The following DNAH8 variants were observed in gnomAD, a reference collection of about 807,000 sequenced individuals.
DNAH8 encodes dynein axonemal heavy chain 8.
DNAH8 carries 382 observed loss-of-function variants against 562.1 expected under a neutral mutation model. That is an observed-to-expected ratio of 0.68 (90% CI 0.63 to 0.74). The LOEUF is 0.74. Among genes scored for constraint, DNAH8 ranks in the 30% least tolerant of loss-of-function variants. The probability of loss-of-function intolerance (pLI) is 0.00; values close to 1 mark genes in which losing one functional copy is unlikely to be tolerated. For missense variants in DNAH8, 5,203 were observed against 5,620.4 expected (o/e 0.93, Z 2.37); for synonymous variants, 1,881 against 1,919.4 (o/e 0.98, Z 0.52).
At chr6:38,724,560 T>C (rs1403706268) in intron 3 of DNAH8, among the ~76,000 whole-genome samples, 2 of 152,194 alleles carry the variant, frequency 1.3e-5, no homozygotes, top group Admixed American at 6.5e-5. Context: ...GGTTACTATA[T>C]GTCTCAGTGT....
At chr6:38,887,058 C>A in intron 57 of DNAH8, 54 bp downstream of exon 57, 1 of 1,291,758 alleles carries the variant, frequency 7.7e-7, no homozygotes, top group Non-Finnish European at 1.1e-6. Context: ...ACATAAACCA[C>A]ACAAAATTTC....
chr6:38,856,773 G>C (rs1357061093), intron 41 of DNAH8, among the ~76,000 whole-genome samples: 7 of 152,028 alleles, frequency 4.6e-5, no homozygotes, highest in Admixed American at 4.6e-4. Flanking sequence ...TCCACATACT[G>C]CCTGCCCCGC....
At chr6:38,812,865 T>A (rs994882573) in intron 24 of DNAH8, among the ~76,000 whole-genome samples, 1 of 152,196 alleles carries the variant, frequency 6.6e-6, no homozygotes, top group Admixed American at 6.5e-5. Context: ...GGAAATTACT[T>A]AGCCTCTCCC....
At chr6:38,944,188 C>A (rs147116243) in intron 79 of DNAH8, among the ~76,000 whole-genome samples, 241 of 152,298 alleles carry the variant, frequency 1.6e-3, no homozygotes, top group African/African-American at 5.5e-3. Flanking sequence ...ACCAGTGACT[C>A]CTACATTAGC....
At chr6:38,873,486 T>C (rs1039511418) in intron 52 of DNAH8, 110 bp downstream of exon 52, 2 of 927,430 alleles carry the variant, frequency 2.2e-6, no homozygotes, top group Non-Finnish European at 3.1e-6. Flanking sequence ...AAAAATCATT[T>C]GATGATGTGG....
intron 88 of DNAH8, among the ~76,000 whole-genome samples, chr6:38,995,059 C>CTTTTTTT (rs149324423): frequency 1.4e-5 from 2 of 138,760 alleles, no homozygotes; most frequent in Non-Finnish European, 3.1e-5. Flanking sequence ...CCTCATTGCT[C>CTTTTTTT]TTTTTTTTTT....
At position 38,911,566 on chromosome 6, in the gene DNAH8, A is replaced by T. The variant is rs180859001; in HGVS notation, c.9839A>T (p.Gln3280Leu). ...GAAAAGGTGAAGTTCATTAATGAAC[A>T]GGCTGAACGTATGAATATTGGTAAG... ...YAEKVKFINE[Q>L]AERMNIGLDK... The change falls in exon 66 of 93, where the codon CAG (glutamine) becomes CTG (leucine). Residue 3280 changes from glutamine (Q) to leucine (L), a missense_variant. By Grantham distance (113) the Gln-to-Leu change is moderately radical (BLOSUM62 -2). Around this residue, in one of 6 missense-constraint regions of DNAH8, gnomAD observed 977 missense variants for 1,061.8 expected, o/e 0.92. Coordinates refer to ENST00000327475, the MANE Select transcript of DNAH8 (RefSeq NM_001206927.2). 77 of 1,603,054 alleles carry T rather than the reference A, an allele frequency of 4.8e-5. No individual in the cohort carries two copies. The Admixed American group carries it at 1.2e-3, about 24-fold the overall frequency.
rs540327676 is a variant in DNAH8, at chr6:38,750,597, T to C, written c.1407+8T>C. 39 of 1,543,546 alleles carry C rather than the reference T, an allele frequency of 2.5e-5. 1 individual carries two copies. In the South Asian group the frequency reaches 2.9e-4, roughly 11 times the overall value. On this transcript the variant is annotated splice_region_variant and intron_variant, in intron 9 of 92. Transcript: ENST00000327475. ...CTCTATAACCATGACCTAGTAAGTA[T>C]GCTTTTAAAGTACAATTTTAAACTG...
At chr6:38,758,286 A>AGCAATT (rs1215152173) in intron 10 of DNAH8, among the ~76,000 whole-genome samples, 1 of 151,776 alleles carries the variant, frequency 6.6e-6, no homozygotes, top group African/African-American at 2.4e-5. Flanking sequence ...TTCTCTTTGA[A>AGCAATT]GCAATTGTGA....
At chr6:38,890,481 G>A (rs547089611) in intron 57 of DNAH8, among the ~76,000 whole-genome samples, 171 bp from the exon 58 acceptor site, 33 of 152,230 alleles carry the variant, frequency 2.2e-4, no homozygotes, top group African/African-American at 7.7e-4. Context: ...TTATCACTGC[G>A]TACTAAGCTT....
intron 72 of DNAH8, 22 bp downstream of exon 72, chr6:38,923,207 A>C (rs772095914): frequency 1.2e-6 from 2 of 1,610,650 alleles, no homozygotes; most frequent in African/African-American, 1.3e-5. Flanking sequence ...GGTCTTCTTC[A>C]TAATCACTCT....
chr6:38,917,310 G>C lies in DNAH8; in HGVS notation c.10212G>C (p.Met3404Ile). 1 of 1,613,466 alleles carries C rather than the reference G, an allele frequency of 6.2e-7. No homozygotes were observed. Among genetic ancestry groups the C allele is most frequent in the South Asian group, 1.1e-5 (1 of 91,024 alleles). ...CACCACATCTTATTATGAGAATCAT[G>C]GACTGTGTTCTGTTACTATTTCAAA... ...AKPPHLIMRI[M>I]DCVLLLFQKK... Residue 3404 changes from methionine to isoleucine, a missense_variant, in exon 69 of 93, where the codon ATG becomes ATC. Coordinates refer to ENST00000327475, the MANE Select transcript of DNAH8 (RefSeq NM_001206927.2).
At chr6:39,028,429 T>C (rs1767440130) in intron 92 of DNAH8, among the ~76,000 whole-genome samples, 1 of 152,194 alleles carries the variant, frequency 6.6e-6, no homozygotes, top group Non-Finnish European at 1.5e-5. Context: ...TTACTGACAA[T>C]CTTTGGCTTT....
intron 32 of DNAH8, 69 bp downstream of exon 32, chr6:38,834,710 G>T: frequency 8.0e-7 from 1 of 1,247,902 alleles, no homozygotes; most frequent in Non-Finnish European, 1.2e-6. Context: ...GAAAGATGGA[G>T]GTTTTACTTT....
intron 85 of DNAH8, 126 bp downstream of exon 85, chr6:38,974,655 G>C (rs1311348481): frequency 1.4e-6 from 1 of 729,556 alleles, no homozygotes; most frequent in Non-Finnish European, 2.3e-6. Context: ...TTCCTTCATA[G>C]CACTTTCCCC....
At chr6:38,910,624 C>T (rs79738273) in intron 65 of DNAH8, among the ~76,000 whole-genome samples, 1,765 of 150,402 alleles carry the variant, frequency 0.012, 28 homozygotes, top group African/African-American at 0.041. Flanking sequence ...AAATTTTTAC[C>T]TTTGTGCAGC....
chr6:38,951,350 C>T lies in DNAH8; in HGVS notation c.12281C>T (p.Ala4094Val), dbSNP rs762766529. 12 of 1,614,022 alleles carry T rather than the reference C, an allele frequency of 7.4e-6. No homozygotes were observed. The East Asian group carries it at 1.6e-4, about 21-fold the overall frequency. Reference sequence around the variant, plus strand: ...TGCCCAGACCGTACTGTTTTTCAAGCAAGAAAGTATATTGCAGATTCTTTG... The same window carrying T: ...TGCCCAGACCGTACTGTTTTTCAAGTAAGAAAGTATATTGCAGATTCTTTG... Reference protein sequence around the residue: ...SWCPDRTVFQARKYIADSLEE... With the variant: ...SWCPDRTVFQVRKYIADSLEE... The change falls in exon 82 of 93, where the codon GCA becomes GTA. Residue 4094 changes from alanine (A) to valine (V), a missense_variant. Ala to Val is a moderately conservative substitution (Grantham distance 64). This residue lies in a region of DNAH8 where 1,399 missense variants were observed against 1,518.4 expected (regional missense o/e 0.92). Transcript: ENST00000327475.
At chr6:38,905,971 T>C (rs1026467573) in intron 62 of DNAH8, among the ~76,000 whole-genome samples, 1 of 152,140 alleles carries the variant, frequency 6.6e-6, no homozygotes, top group Non-Finnish European at 1.5e-5. Context: ...AGTGGCATGA[T>C]CTCGGCTCAC....
chr6:38,800,678 G>A (rs1326008926), intron 21 of DNAH8, among the ~76,000 whole-genome samples: 3 of 151,964 alleles, frequency 2.0e-5, no homozygotes, highest in Admixed American at 6.6e-5. Context: ...CACCATGCCC[G>A]GTTAATGTTT....
Sources: allele counts gnomAD v4.1 joint callset (sites outside exome capture counted in the v4.1 genomes callset), GRCh38; gene constraint gnomAD v4.1.1; regional missense constraint gnomAD v4.1.1; transcripts MANE v1.5; gene names NCBI Gene and HGNC (gene_info 2026-07-23, HGNC 2026-07-21).